ITK: variants seen among roughly 807,000 people sequenced by gnomAD.
ITK encodes the protein IL2 inducible T cell kinase.
Under a neutral mutation model 87.6 loss-of-function variants are expected in ITK, and 45 were observed. The ratio of observed to expected loss-of-function variants is 0.51; its 90% CI spans 0.40 to 0.66. The LOEUF (loss-of-function observed/expected upper bound fraction) is 0.66, where lower values mean the gene tolerates loss of function less well. Among genes scored for constraint, ITK ranks in the 30% least tolerant of loss-of-function variants. The probability of loss-of-function intolerance (pLI) is 0.00; values close to 1 mark genes in which losing one functional copy is unlikely to be tolerated. For synonymous variants in ITK, 303 were observed against 273.6 expected (o/e 1.11, Z -1.06); for missense variants, 605 against 766.3 (o/e 0.79, Z 2.48).
At chr5:157,182,743 A>G (rs1262473930) in intron 1 of ITK, among the ~76,000 whole-genome samples, 2 of 152,194 alleles carry the variant, frequency 1.3e-5, no homozygotes, top group Non-Finnish European at 2.9e-5. Context: ...TCCATTTTGC[A>G]GTTTTCACCA....
intron 1 of ITK, among the ~76,000 whole-genome samples, chr5:157,207,627 G>A (rs188338927): frequency 2.0e-5 from 3 of 151,962 alleles, no homozygotes; most frequent in African/African-American, 7.2e-5. Context: ...TGATCTTCCC[G>A]TGTCGGCCTC....
intron 8 of ITK, among the ~76,000 whole-genome samples, chr5:157,236,245 G>A (rs1365637474): frequency 6.6e-6 from 1 of 152,028 alleles, no homozygotes; most frequent in Non-Finnish European, 1.5e-5. Flanking sequence ...CGTGGTGGCG[G>A]GCACCTGTAA....
rs1329598088 is a variant in ITK at position 157,254,155 on chromosome 5, A to C, written c.*1477A>C. ...CGGATTGCAGAGGGAATAAATACAA[A>C]GATGGAAAGCCAGTAAAGAAGTCAG... On this transcript the variant is annotated 3_prime_UTR_variant, in exon 17 of 17. Transcript: ENST00000422843. 4.4e-6 allele frequency: 1 copy of C among 229,060 alleles called. No individual in the cohort carries two copies. The highest frequency in any genetic ancestry group is 8.7e-6 in the Non-Finnish European group (1 of 115,538). The allele number at this position is 229,060 out of a possible 1,614,324, so 14.2% of individuals were successfully genotyped here. A position where few individuals can be genotyped will look rare whatever the true frequency, so the allele number is the denominator to read the frequency against.
chr5:157,191,582 T>C (rs753408154), intron 1 of ITK, among the ~76,000 whole-genome samples: 13 of 152,206 alleles, frequency 8.5e-5, no homozygotes, highest in Non-Finnish European at 1.5e-4. Flanking sequence ...TTTTGCAGAG[T>C]TATAATCATA....
In ITK at chr5:157,232,323, C is replaced by A. The variant is rs1470192356; in HGVS notation, c.714-17C>A. Reference sequence around the variant, plus strand: ...TTTAAAATATGTCATTGACATATGACTTTTCCTTGCTTTCAGGTGGTACAA... The same window carrying A: ...TTTAAAATATGTCATTGACATATGAATTTTCCTTGCTTTCAGGTGGTACAA... On this transcript the variant is annotated splice_polypyrimidine_tract_variant and intron_variant, in intron 7 of 16. Coordinates refer to ENST00000422843, the MANE Select transcript of ITK (RefSeq NM_005546.4). The A allele has an allele frequency of 1.3e-6, 2 of 1,588,066 alleles. No homozygotes were observed. Among genetic ancestry groups the A allele is most frequent in the South Asian group, 1.1e-5 (1 of 90,414 alleles).
At chr5:157,188,108 T>A (rs533911506) in intron 1 of ITK, among the ~76,000 whole-genome samples, 1 of 152,242 alleles carries the variant, frequency 6.6e-6, no homozygotes, top group Non-Finnish European at 1.5e-5. Flanking sequence ...GCCATGCAGA[T>A]AATATTCTTA....
At chr5:157,194,355 C>T (rs1182749415) in intron 1 of ITK, among the ~76,000 whole-genome samples, 2 of 152,096 alleles carry the variant, frequency 1.3e-5, no homozygotes, top group East Asian at 3.8e-4. Context: ...CCTGGGGTGG[C>T]CTCTGACAAG....
intron 12 of ITK, 146 bp downstream of exon 12, chr5:157,243,940 A>T (rs113512645): frequency 0.011 from 8,657 of 795,936 alleles, 69 homozygotes; most frequent in South Asian, 0.017. Context: ...ATACAATCAA[A>T]CTCTTCACAG....
intron 4 of ITK, among the ~76,000 whole-genome samples, chr5:157,216,819 C>T (rs992436282): frequency 2.0e-5 from 3 of 152,128 alleles, no homozygotes; most frequent in Admixed American, 2.0e-4. Flanking sequence ...GGTTTTCCTT[C>T]TTCTGTGGTC....
chr5:157,250,130 T>C (rs1272899980), intron 16 of ITK, among the ~76,000 whole-genome samples: 1 of 152,222 alleles, frequency 6.6e-6, no homozygotes, highest in African/African-American at 2.4e-5. Flanking sequence ...TAGAGTTCTG[T>C]AGGTTTTCAC....
At chr5:157,251,624 T>C (rs1755139633) in intron 16 of ITK, among the ~76,000 whole-genome samples, 1 of 152,214 alleles carries the variant, frequency 6.6e-6, no homozygotes, top group Admixed American at 6.5e-5. Flanking sequence ...TTTATGGAAG[T>C]TTTATAATTT....
Position 157,249,009 on chromosome 5 carries a change from T to C in ITK, c.1791+2T>C, listed in dbSNP as rs1357124572. 6.2e-7 allele frequency: 1 copy of C among 1,613,380 alleles called. No homozygotes were observed. Among genetic ancestry groups the C allele is most frequent in the African/African-American group, 1.3e-5 (1 of 74,878 alleles). On this transcript the variant is annotated splice_donor_variant, in intron 16 of 16. Coordinates refer to ENST00000422843, the MANE Select transcript of ITK (RefSeq NM_005546.4). LOFTEE classifies it high-confidence loss of function. ...ATTATGAATCACTGCTGGAAAGAGG[T>C]CAGTGGAGGAAGTGCTTCCCCATGC...
chr5:157,242,924 G>T (rs2113774000), intron 11 of ITK, among the ~76,000 whole-genome samples: 1 of 152,368 alleles, frequency 6.6e-6, no homozygotes, highest in African/African-American at 2.4e-5. Flanking sequence ...CTGCCTCAAA[G>T]CAGTGGAAAT....
chr5:157,197,659 T>C (rs1753878956), intron 1 of ITK, among the ~76,000 whole-genome samples: 1 of 152,198 alleles, frequency 6.6e-6, no homozygotes, highest in South Asian at 2.1e-4. Context: ...TTAAATCTGC[T>C]CTTTAACACT....
chr5:157,243,596 C>A lies in ITK; in HGVS notation c.1061-27C>A, dbSNP rs368347785. 60 of 1,602,318 alleles carry A rather than the reference C, an allele frequency of 3.7e-5. No homozygotes were observed. In the Admixed American group the frequency reaches 7.7e-4, roughly 20 times the overall value. ...ACCTTATATCTACTGCTTGCTGACC[C>A]CAGAGAACTCTCTCTCTCTCTTCCA... On this transcript the variant is annotated intron_variant, in intron 11 of 16. Transcript: ENST00000422843.
chr5:157,246,098 A>G (rs1292213963), intron 15 of ITK, 99 bp downstream of exon 15: 2 of 865,960 alleles, frequency 2.3e-6, no homozygotes, highest in Non-Finnish European at 4.0e-6. Context: ...TGAACCCTGT[A>G]TCATATCATG....
intron 10 of ITK, 117 bp from the exon 11 acceptor site, chr5:157,241,529 C>T: frequency 1.3e-6 from 1 of 752,608 alleles, no homozygotes; most frequent in Non-Finnish European, 2.4e-6. Flanking sequence ...ATTTGTTTTC[C>T]AGAATAAAAT....
intron 1 of ITK, among the ~76,000 whole-genome samples, chr5:157,188,734 C>T (rs1753694072): frequency 1.3e-5 from 2 of 152,202 alleles, no homozygotes; most frequent in African/African-American, 4.8e-5. Context: ...GCGATCCTCT[C>T]GACTAGCTGG....
In ITK at chr5:157,254,469, A is replaced by G. The variant is rs1198251888; in HGVS notation, c.*1791A>G. 1 of 220,906 alleles carries G rather than the reference A, an allele frequency of 4.5e-6. No homozygotes were observed. Among genetic ancestry groups the G allele is most frequent in the Non-Finnish European group, 9.1e-6 (1 of 110,356 alleles). The allele number at this position is 220,906 out of a possible 1,614,324, so 13.7% of individuals were successfully genotyped here. A position where few individuals can be genotyped will look rare whatever the true frequency, so the allele number is the denominator to read the frequency against. On this transcript the variant is annotated 3_prime_UTR_variant, in exon 17 of 17. Coordinates refer to ENST00000422843, the MANE Select transcript of ITK (RefSeq NM_005546.4). ...CCAACTTTCAGCTGTAGTCTTCTTG[A>G]ACACTTCATGAGGAGGGACATTCCC... is the stretch of plus-strand genomic sequence containing the variant.
Sources: allele counts gnomAD v4.1 joint callset (sites outside exome capture counted in the v4.1 genomes callset), GRCh38; gene constraint gnomAD v4.1.1; transcripts MANE v1.5; gene names NCBI Gene and HGNC (gene_info 2026-07-23, HGNC 2026-07-21).